COL4A2: variants seen among roughly 807,000 people sequenced by gnomAD.
COL4A2 encodes collagen alpha-2(IV) chain.
A neutral mutation model predicts 200.2 loss-of-function variants in COL4A2; 99 were observed. The observed-to-expected ratio is 0.49, with a 90% CI of 0.42 to 0.58. The LOEUF (loss-of-function observed/expected upper bound fraction) is 0.58. Ranked by LOEUF, COL4A2 falls within the 20% of genes least tolerant of loss-of-function variation. The pLI is 0.00. For missense variants in COL4A2, 1,950 were observed against 2,314.1 expected (o/e 0.84, Z 3.23); for synonymous variants, 897 against 900.6 (o/e 1.00, Z 0.07).
rs973289193 is a variant in COL4A2 at position 110,455,144 on chromosome 13, C to T, written c.1340-2199C>T. ...GTTGTTCCTTCCCTCTCCAGCCTGTCGTCCACACGGCAGACTCACATGGCA... is the reference window on the plus strand; with the variant it reads ...GTTGTTCCTTCCCTCTCCAGCCTGTTGTCCACACGGCAGACTCACATGGCA... On this transcript the variant is annotated intron_variant, in intron 20 of 47. Coordinates refer to ENST00000360467, the MANE Select transcript of COL4A2 (RefSeq NM_001846.4). Among the ~76,000 whole-genome samples, 3 of 152,260 alleles carry T rather than the reference C, an allele frequency of 2.0e-5. No individual in the cohort carries two copies. The East Asian group carries it at 5.8e-4, about 30-fold the overall frequency.
intron 45 of COL4A2, 40 bp downstream of exon 45, chr13:110,504,304 C>A: frequency 6.6e-7 from 1 of 1,513,836 alleles, no homozygotes; most frequent in Non-Finnish European, 9.2e-7. Flanking sequence ...GGTCCTAGTG[C>A]TCTGGATCTG....
chr13:110,445,913 A>G, intron 17 of COL4A2, 31 bp downstream of exon 17: 2 of 1,613,534 alleles, frequency 1.2e-6, no homozygotes, highest in African/African-American at 1.3e-5. Flanking sequence ...TTTGCCACTT[A>G]TGGTGTCTCG....
In COL4A2 at chr13:110,480,242, C is replaced by A. The variant is rs754198686; in HGVS notation, c.2610C>A (p.Asp870Glu). The A allele has an allele frequency of 1.2e-6, 2 of 1,608,882 alleles. No homozygotes were observed. The highest frequency in any genetic ancestry group is 4.5e-5 in the East Asian group (2 of 44,752). Residue 870 changes from aspartate to glutamate, a missense_variant, in exon 31 of 48, where the codon GAC (aspartate) becomes GAA (glutamate). Around this residue, in one of 2 missense-constraint regions of COL4A2, gnomAD observed 1,385 missense variants for 1,720.5 expected, o/e 0.80. Transcript: ENST00000360467. ...CAGGTCTGCCTGGTGATAGAGGGGA[C>A]CCTGGGGACACAGGCGCTCCTGGCC... ...GREGLPGDRGDPGDTGAPGPV... is the reference protein window; with the variant it reads ...GREGLPGDRGEPGDTGAPGPV...
intron 4 of COL4A2, 98 bp from the exon 5 acceptor site, chr13:110,424,636 A>G: frequency 1.3e-6 from 1 of 764,184 alleles, no homozygotes; most frequent in Non-Finnish European, 2.1e-6. Flanking sequence ...TAGCTCTTTA[A>G]AAACAAAAAA....
At chr13:110,365,157 T>G (rs1369586711) in intron 4 of COL4A2, among the ~76,000 whole-genome samples, 4 of 152,204 alleles carry the variant, frequency 2.6e-5, no homozygotes, top group African/African-American at 9.7e-5. Flanking sequence ...CTTTTTTTTT[T>G]CGAGGCGGAG....
intron 40 of COL4A2, among the ~76,000 whole-genome samples, chr13:110,496,889 TC>T (rs1883477358): frequency 7.5e-6 from 1 of 133,034 alleles, no homozygotes; most frequent in South Asian, 2.6e-4. Flanking sequence ...ACAGCCTCAG[TC>T]AGGGGTGAGG....
chr13:110,370,409 C>T (rs985907733), intron 4 of COL4A2, among the ~76,000 whole-genome samples: 1 of 152,034 alleles, frequency 6.6e-6, no homozygotes, highest in African/African-American at 2.4e-5. Flanking sequence ...GAGCCCGCCA[C>T]CATGTCCAGC....
chr13:110,490,976 C>T (rs1011763427), intron 36 of COL4A2, among the ~76,000 whole-genome samples: 1 of 152,176 alleles, frequency 6.6e-6, no homozygotes, highest in African/African-American at 2.4e-5. Flanking sequence ...CTGTACCCAT[C>T]ATCCCTGGGG....
intron 4 of COL4A2, among the ~76,000 whole-genome samples, chr13:110,420,140 C>G: frequency 6.6e-6 from 1 of 152,128 alleles, no homozygotes; most frequent in South Asian, 2.1e-4. Context: ...ACACAGACCT[C>G]CCTTGGAGCA....
At position 110,472,984 on chromosome 13, in the gene COL4A2, A is replaced by G. The variant is rs772276933; in HGVS notation, c.2259A>G (p.Gly753=). The G allele has an allele frequency of 6.5e-7, 1 of 1,546,238 alleles. No individual in the cohort carries two copies. The highest frequency in any genetic ancestry group is 8.7e-7 in the Non-Finnish European group (1 of 1,146,948). ...KGAVGLPGPD[G]SPGPIGLPGP... ...CAGTGGGCCTCCCTGGCCCAGATGG[A>G]TCCCCAGGTCCCATCGGCCTGCCAG... is the stretch of plus-strand genomic sequence containing the variant. Residue 753 remains glycine, a synonymous_variant, in exon 29 of 48, where the codon GGA becomes GGG. Transcript: ENST00000360467.
At chr13:110,316,476 T>C (rs1885132469) in intron 3 of COL4A2, among the ~76,000 whole-genome samples, 1 of 152,138 alleles carries the variant, frequency 6.6e-6, no homozygotes, top group South Asian at 2.1e-4. Context: ...TCCTTCCCGC[T>C]CTGTCCTCCC....
chr13:110,473,274 T>A, intron 29 of COL4A2, 124 bp downstream of exon 29: 1 of 824,348 alleles, frequency 1.2e-6, no homozygotes, highest in Non-Finnish European at 1.8e-6. Flanking sequence ...TAGCCATGCG[T>A]ACCTTCTCCC....
chr13:110,433,251 CAGGATGAG>C (rs1242933562), intron 11 of COL4A2, among the ~76,000 whole-genome samples: 1 of 152,230 alleles, frequency 6.6e-6, no homozygotes, highest in Non-Finnish European at 1.5e-5. Context: ...CAGCCTGGAG[CAGGATGAG>C]ATGGGCCCCA....
chr13:110,478,043 G>A lies in COL4A2; in HGVS notation c.2466G>A (p.Gln822=). 6.3e-7 allele frequency: 1 copy of A among 1,592,558 alleles called. No individual in the cohort carries two copies. The highest frequency in any genetic ancestry group is 8.6e-7 in the Non-Finnish European group (1 of 1,167,000). The change falls in exon 30 of 48, where the codon CAG becomes CAA. Residue 822 remains glutamine, a synonymous_variant. Transcript: ENST00000360467. ...GMPGMPGLKG[Q]PGLPGPSGQP... ...CTGGGATGCCAGGGCTGAAGGGCCA[G>A]CCAGGCCTCCCAGGACCTTCCGGCC...
chr13:110,357,535 C>A lies in COL4A2; in HGVS notation c.163C>A (p.Pro55Thr), dbSNP rs372234966. ...RDCSGGCQCY[P>T]EKGGRGQPGP... is the part of the protein sequence containing the mutation. Reference sequence around the variant, plus strand: ...TTGCAGTGGGGGCTGCCAGTGCTACCCTGAGAAAGGTGGACGTGTAAGTCA... The same window carrying A: ...TTGCAGTGGGGGCTGCCAGTGCTACACTGAGAAAGGTGGACGTGTAAGTCA... Residue 55 changes from proline (P) to threonine (T), a missense_variant, in exon 4 of 48, where the codon CCT (proline) becomes ACT (threonine). Physicochemically the swap from Pro to Thr is conservative, Grantham distance 38. This residue lies in a region of COL4A2 where 565 missense variants were observed against 593.5 expected (regional missense o/e 0.95). Transcript: ENST00000360467. 8 of 1,586,590 alleles carry A rather than the reference C, an allele frequency of 5.0e-6. No homozygotes were observed. Among genetic ancestry groups the A allele is most frequent in the Non-Finnish European group, 6.9e-6 (8 of 1,163,988 alleles).
At chr13:110,391,885 TCA>T (rs1878996322) in intron 4 of COL4A2, among the ~76,000 whole-genome samples, 1 of 152,240 alleles carries the variant, frequency 6.6e-6, no homozygotes, top group Non-Finnish European at 1.5e-5. Flanking sequence ...TCTGAAAATC[TCA>T]CTTTGCTTTG....
In COL4A2 at chr13:110,482,621, C is replaced by T. The variant is rs775430349; in HGVS notation, c.2864C>T (p.Pro955Leu). The T allele has an allele frequency of 3.1e-6, 5 of 1,613,906 alleles. No homozygotes were observed. The Admixed American group carries it at 8.3e-5, about 27-fold the overall frequency. The change falls in exon 32 of 48, where the codon CCC becomes CTC. Residue 955 changes from proline (P) to leucine (L), a missense_variant. Pro to Leu is a moderately conservative substitution (Grantham distance 98, BLOSUM62 -3). Transcript: ENST00000360467. ...GGCGAGGCTGGATTTTTCGGAATACCCGGTCTGAAGGGTCTGGCTGGTGAG... is the reference window on the plus strand; with the variant it reads ...GGCGAGGCTGGATTTTTCGGAATACTCGGTCTGAAGGGTCTGGCTGGTGAG... ...SKGEAGFFGI[P>L]GLKGLAGEPG... is the part of the protein sequence containing the mutation.
chr13:110,409,931 C>T (rs561240316), intron 4 of COL4A2, among the ~76,000 whole-genome samples: 5 of 152,234 alleles, frequency 3.3e-5, no homozygotes, highest in East Asian at 3.9e-4. Flanking sequence ...TGGTGAAACC[C>T]GGCCCACACG....
intron 3 of COL4A2, among the ~76,000 whole-genome samples, chr13:110,322,799 C>T (rs1885309921): frequency 6.6e-6 from 1 of 152,228 alleles, no homozygotes; most frequent in Non-Finnish European, 1.5e-5. Context: ...AGCACAGGAC[C>T]TTCACATAGA....
Sources: gnomAD v4.1 joint callset for allele counts (sites outside exome capture counted in the v4.1 genomes callset) on GRCh38, gnomAD v4.1.1 for gene constraint, gnomAD v4.1.1 regional missense constraint, MANE v1.5 for transcripts, NCBI Gene and HGNC (gene_info 2026-07-23, HGNC 2026-07-21) for gene names.